Variants in PARD6G observed in about 807,000 individuals in gnomAD.
The protein encoded by PARD6G is par-6 family cell polarity regulator gamma.
A neutral mutation model predicts 10.7 loss-of-function variants in PARD6G; 7 were observed. That is an observed-to-expected ratio of 0.66 (90% CI 0.37 to 1.23). PARD6G has a LOEUF of 1.23. Ranked by LOEUF, PARD6G falls within the 50% of genes most tolerant of loss-of-function variation. PARD6G has a pLI of 0.02. For synonymous variants in PARD6G, 287 were observed against 269.4 expected, an observed-to-expected ratio of 1.07 and a Z score of -0.64; for missense variants, 548 against 571.8, an observed-to-expected ratio of 0.96 and a Z score of 0.42.
intron 2 of PARD6G, among the ~76,000 whole-genome samples, chr18:80,166,205 C>T (rs2052734952): frequency 1.3e-5 from 2 of 151,462 alleles, no homozygotes; most frequent in South Asian, 4.1e-4. Flanking sequence ...GTCATGTCAG[C>T]GGCACACAGC....
intron 2 of PARD6G, among the ~76,000 whole-genome samples, chr18:80,177,539 G>GGCA (rs2052821199): frequency 9.1e-6 from 1 of 109,588 alleles, no homozygotes; most frequent in Non-Finnish European, 1.9e-5. Context: ...CATGCACGCG[G>GGCA]GCACACACAC....
intron 1 of PARD6G, among the ~76,000 whole-genome samples, chr18:80,233,010 G>C (rs1279615693): frequency 6.6e-6 from 1 of 152,134 alleles, no homozygotes; most frequent in Non-Finnish European, 1.5e-5. Flanking sequence ...CTGAGGAGTG[G>C]AGTGGGGCCT....
intron 1 of PARD6G, among the ~76,000 whole-genome samples, chr18:80,209,011 A>G (rs545809687): frequency 6.6e-6 from 1 of 152,044 alleles, no homozygotes; most frequent in Admixed American, 6.5e-5. Context: ...GCTCCAGGAG[A>G]ACTGCTTGAA....
At chr18:80,173,749 T>TA (rs1030393841) in intron 2 of PARD6G, among the ~76,000 whole-genome samples, 1 of 152,042 alleles carries the variant, frequency 6.6e-6, no homozygotes, top group Non-Finnish European at 1.5e-5. Flanking sequence ...CCCCTCAAAG[T>TA]AAAAATAAAG....
At chr18:80,206,971 T>C (rs1459598421) in intron 1 of PARD6G, among the ~76,000 whole-genome samples, 1 of 151,632 alleles carries the variant, frequency 6.6e-6, no homozygotes, top group African/African-American at 2.4e-5. Flanking sequence ...AAATGAAAGA[T>C]TCTTCAGATG....
chr18:80,195,566 T>TATATATATAC (rs1966946533), intron 2 of PARD6G, among the ~76,000 whole-genome samples: 1 of 120,372 alleles, frequency 8.3e-6, no homozygotes, highest in African/African-American at 3.3e-5. Context: ...TATATATATA[T>TATATATATAC]ATATATACAC....
chr18:80,179,276 C>T (rs554661238), intron 2 of PARD6G, among the ~76,000 whole-genome samples: 1 of 151,800 alleles, frequency 6.6e-6, no homozygotes, highest in African/African-American at 2.4e-5. Context: ...GGTAAACCCC[C>T]GGCGCTGAAG....
chr18:80,168,252 TG>T (rs1342082326), intron 2 of PARD6G, among the ~76,000 whole-genome samples: 1 of 152,146 alleles, frequency 6.6e-6, no homozygotes, highest in African/African-American at 2.4e-5. Flanking sequence ...TGCGGTGGTA[TG>T]GGGACGAGGT....
chr18:80,244,180 C>A (rs769079185), intron 1 of PARD6G, among the ~76,000 whole-genome samples: 21 of 152,110 alleles, frequency 1.4e-4, no homozygotes, highest in Non-Finnish European at 1.5e-5. Context: ...ACGTGAAACA[C>A]CCTAACCCTC....
In PARD6G at chr18:80,189,474, C is replaced by T. The variant is rs2052896033; in HGVS notation, c.295+13236G>A. On this transcript the variant is annotated intron_variant, in intron 2 of 2. Transcript: ENST00000353265. The surrounding 1 kb of genome is among the most constrained non-coding windows in gnomAD (Gnocchi z 5.5). ...TCTAGCAGAGGATGCTAGGCAGTTG[C>T]TCCTGGGGCTCCTCAAGGGGCCAGC... 1 of 152,234 alleles carries T rather than the reference C, an allele frequency of 6.6e-6. No individual in the cohort carries two copies. Among genetic ancestry groups the T allele is most frequent in the South Asian group, 2.1e-4 (1 of 4,830 alleles). 9.4% of individuals were successfully genotyped at this position (152,234 alleles called of 1,614,324 possible). A position where few individuals can be genotyped will look rare whatever the true frequency, so the allele number is the denominator to read the frequency against.
intron 2 of PARD6G, among the ~76,000 whole-genome samples, chr18:80,190,593 C>A (rs1056663040): frequency 3.3e-5 from 5 of 152,170 alleles, no homozygotes; most frequent in African/African-American, 9.7e-5. Context: ...TGGTCTGTCA[C>A]CTGATGGCCA....
At position 80,184,565 on chromosome 18, in the gene PARD6G, A is replaced by AAGGCCGTGAAACCCGCAGCGGGAGCG. The variant is rs2052864093; in HGVS notation, c.295+18119_295+18144dup. The AAGGCCGTGAAACCCGCAGCGGGAGCG allele has an allele frequency of 6.6e-6, 1 of 151,908 alleles. No homozygotes were observed. The highest frequency in any genetic ancestry group is 6.5e-5 in the Admixed American group (1 of 15,274). 9.4% of individuals were successfully genotyped at this position (151,908 alleles called of 1,614,324 possible). On this transcript the variant is annotated intron_variant, in intron 2 of 2. Transcript: ENST00000353265. This position sits in a 1 kb window ranked among gnomAD's most constrained non-coding sequence, Gnocchi z 4.5. ...AGGCAGTGAAACCCTCAGAGGGAGC[A>AAGGCCGTGAAACCCGCAGCGGGAGCG]AGGCCGTGAAACCCGCAGCGGGAGC... is the stretch of plus-strand genomic sequence containing the variant.
intron 1 of PARD6G, among the ~76,000 whole-genome samples, chr18:80,204,394 G>C (rs1021167923): frequency 6.6e-6 from 1 of 152,072 alleles, no homozygotes; most frequent in African/African-American, 2.4e-5. Flanking sequence ...ACAAGTTCCT[G>C]AAAGAGCTGA....
In PARD6G at chr18:80,181,917, A is replaced by C. The variant is rs1034548231; in HGVS notation, c.295+20793T>G. Among the ~76,000 whole-genome samples the C allele has an allele frequency of 1.3e-5, 2 of 152,140 alleles. No individual in the cohort carries two copies. Among genetic ancestry groups the C allele is most frequent in the East Asian group, 3.9e-4 (2 of 5,184 alleles). ...GCCCCGCTGATAGAACCTGCATTTC[A>C]AACAGACCCAGGGCTGCAGCACACA... On this transcript the variant is annotated intron_variant, in intron 2 of 2. Transcript: ENST00000353265. The surrounding 1 kb of genome is among the most constrained non-coding windows in gnomAD (Gnocchi z 7.9).
At chr18:80,197,606 GAC>G (rs1966969901) in intron 2 of PARD6G, 1 of 152,222 alleles carries the variant, frequency 6.6e-6, no homozygotes, top group Non-Finnish European at 1.5e-5. Context: ...GAGCTACTAA[GAC>G]ACCCTACCAA....
In PARD6G at chr18:80,210,714, A is replaced by G. The variant is rs1208727859; in HGVS notation, c.73-7782T>C. Among the ~76,000 whole-genome samples, 11 of 152,370 alleles carry G rather than the reference A, an allele frequency of 7.2e-5. No homozygotes were observed. The South Asian group carries it at 2.3e-3, about 32-fold the overall frequency. ...TAGGACCAAAATAGGTTATCTACAA[A>G]GGGAACGACTAATTATAAACAAATA... is the stretch of plus-strand genomic sequence containing the variant. On this transcript the variant is annotated intron_variant, in intron 1 of 2. Transcript: ENST00000353265.
Position 80,159,720 on chromosome 18 carries a change from C to T in PARD6G, c.*51G>A, listed in dbSNP as rs1417414178. 3.7e-6 allele frequency: 5 copies of T among 1,356,408 alleles called. No homozygotes were observed. In the African/African-American group the frequency reaches 6.2e-5, roughly 17 times the overall value. 84.0% of individuals were successfully genotyped at this position (1,356,408 alleles called of 1,614,324 possible). On this transcript the variant is annotated 3_prime_UTR_variant, in exon 3 of 3. Coordinates refer to ENST00000353265, the MANE Select transcript of PARD6G (RefSeq NM_032510.4). Reference sequence around the variant, plus strand: ...AGCGGATGCAGTCTGCAGGTCCTGTCCCTGTCCTTACCGGGGAACTGGAGC... The same window carrying T: ...AGCGGATGCAGTCTGCAGGTCCTGTTCCTGTCCTTACCGGGGAACTGGAGC...
chr18:80,190,821 G>A (rs992728699), intron 2 of PARD6G, among the ~76,000 whole-genome samples: 4 of 152,152 alleles, frequency 2.6e-5, no homozygotes, highest in Admixed American at 2.6e-4. Context: ...TTGGTCTCCA[G>A]GCAATCAACA....
At chr18:80,168,041 ACT>A (rs1376547357) in intron 2 of PARD6G, among the ~76,000 whole-genome samples, 1 of 151,822 alleles carries the variant, frequency 6.6e-6, no homozygotes, top group African/African-American at 2.4e-5. Flanking sequence ...AGTGCATGCG[ACT>A]CTGGTTCTTC....
Sources: allele counts gnomAD v4.1 joint callset (sites outside exome capture counted in the v4.1 genomes callset), GRCh38; gene constraint gnomAD v4.1.1; non-coding constraint Gnocchi (gnomAD v3.1); transcripts MANE v1.5; gene names NCBI Gene and HGNC (gene_info 2026-07-23, HGNC 2026-07-21).